The following RIMBP2 variants were observed in gnomAD, a reference collection of about 807,000 sequenced individuals.
The protein encoded by RIMBP2 is RIMS-binding protein 2.
In RIMBP2, 48 loss-of-function variants were observed where a neutral mutation model predicts 118.6. The observed-to-expected ratio is 0.40, with a 90% confidence interval of 0.32 to 0.51. RIMBP2 has a LOEUF of 0.51. Among genes scored for constraint, RIMBP2 ranks in the 20% least tolerant of loss-of-function variants. The pLI, the probability that RIMBP2 is intolerant of heterozygous loss-of-function variation, is 0.41. For synonymous variants in RIMBP2, 762 were observed against 742.9 expected (o/e 1.03, Z -0.42); for missense variants, 1,551 against 1,768.3 (o/e 0.88, Z 2.20).
At chr12:130,503,356 A>G (rs2049985944) in intron 4 of RIMBP2, among the ~76,000 whole-genome samples, 1 of 151,624 alleles carries the variant, frequency 6.6e-6, no homozygotes, top group South Asian at 2.1e-4. Context: ...AGATCATGCC[A>G]CTCCACTCCA....
At chr12:130,491,853 T>C (rs1047126485) in intron 4 of RIMBP2, among the ~76,000 whole-genome samples, 2 of 152,252 alleles carry the variant, frequency 1.3e-5, no homozygotes, top group Admixed American at 1.3e-4. Context: ...TGTGGCAGGA[T>C]TTATTTTTAA....
At chr12:130,534,651 G>A (rs1566215082) in intron 2 of RIMBP2, among the ~76,000 whole-genome samples, 1 of 152,200 alleles carries the variant, frequency 6.6e-6, no homozygotes. Flanking sequence ...GTGGCACAGT[G>A]GTGCCTGCAG....
intron 2 of RIMBP2, among the ~76,000 whole-genome samples, chr12:130,607,901 C>A (rs976944086): frequency 1.3e-5 from 2 of 152,032 alleles, no homozygotes; most frequent in Non-Finnish European, 2.9e-5. Flanking sequence ...GAGCTCCCAG[C>A]AGGATGTGGG....
chr12:130,575,983 A>G (rs1406436018), intron 2 of RIMBP2, among the ~76,000 whole-genome samples: 1 of 152,192 alleles, frequency 6.6e-6, no homozygotes, highest in African/African-American at 2.4e-5. Context: ...GCAGAGGAGA[A>G]TGAGGGAGTG....
At chr12:130,637,118 C>A (rs1170199836) in intron 1 of RIMBP2, among the ~76,000 whole-genome samples, 1 of 152,198 alleles carries the variant, frequency 6.6e-6, no homozygotes, top group Non-Finnish European at 1.5e-5. Flanking sequence ...CACTCCACAG[C>A]CATCGAATCT....
chr12:130,530,180 TCAA>T (rs2053218466), intron 2 of RIMBP2, among the ~76,000 whole-genome samples: 1 of 152,160 alleles, frequency 6.6e-6, no homozygotes, highest in Admixed American at 6.5e-5. Context: ...TCTCTACCAA[TCAA>T]CAACAATCTG....
intron 6 of RIMBP2, among the ~76,000 whole-genome samples, chr12:130,464,728 C>G (rs2137720069): frequency 6.6e-6 from 1 of 152,360 alleles, no homozygotes; most frequent in African/African-American, 2.4e-5. Flanking sequence ...AGGACCCACC[C>G]AGGTCTCTCT....
chr12:130,584,906 T>G (rs2058782824), intron 2 of RIMBP2, among the ~76,000 whole-genome samples: 1 of 144,680 alleles, frequency 6.9e-6, no homozygotes, highest in African/African-American at 2.5e-5. Context: ...ATTCTTTTTT[T>G]TTGAGACAGA....
chr12:130,588,736 G>A (rs1457648365), intron 2 of RIMBP2, among the ~76,000 whole-genome samples: 1 of 152,180 alleles, frequency 6.6e-6, no homozygotes, highest in African/African-American at 2.4e-5. Flanking sequence ...ACTGTATGTT[G>A]TATTATCCTG....
rs1287900184 is a variant in RIMBP2, at chr12:130,396,419, A to C, written c.*942T>G. 2 of 152,654 alleles carry C rather than the reference A, an allele frequency of 1.3e-5. No individual in the cohort carries two copies. Among genetic ancestry groups the C allele is most frequent in the Non-Finnish European group, 2.9e-5 (2 of 68,042 alleles). 9.5% of individuals were successfully genotyped at this position (152,654 alleles called of 1,614,324 possible). ...AGAATTACAAAAGAGTAACCATCAA[A>C]TACATCTGCCAGCAACTTTGTAAGT... On this transcript the variant is annotated 3_prime_UTR_variant, in exon 23 of 23. Coordinates refer to ENST00000690449, the MANE Select transcript of RIMBP2 (RefSeq NM_001393629.1).
At chr12:130,599,845 C>T (rs2059767044) in intron 2 of RIMBP2, among the ~76,000 whole-genome samples, 1 of 152,186 alleles carries the variant, frequency 6.6e-6, no homozygotes, top group Non-Finnish European at 1.5e-5. Context: ...ATTCTTGGGG[C>T]CCCCAAATCA....
intron 4 of RIMBP2, among the ~76,000 whole-genome samples, chr12:130,486,303 G>A (rs547732649): frequency 4.0e-5 from 6 of 151,892 alleles, no homozygotes; most frequent in Non-Finnish European, 5.9e-5. Flanking sequence ...CCCGTGGGGC[G>A]CGCTGACCTG....
chr12:130,615,714 T>G (rs991455612), intron 2 of RIMBP2, among the ~76,000 whole-genome samples: 9 of 152,150 alleles, frequency 5.9e-5, no homozygotes, highest in Non-Finnish European at 1.5e-5. Context: ...TGGAGGGACA[T>G]GCATTGCTTA....
intron 5 of RIMBP2, among the ~76,000 whole-genome samples, chr12:130,476,942 C>T (rs2081481819): frequency 2.0e-5 from 3 of 152,200 alleles, no homozygotes; most frequent in Non-Finnish European, 2.9e-5. Flanking sequence ...AACGACCACC[C>T]ACGTGGAAAC....
In RIMBP2 at chr12:130,420,292, G is replaced by A. The variant is rs1429326170; in HGVS notation, c.3238+2161C>T. Among the ~76,000 whole-genome samples, 14 of 152,176 alleles carry A rather than the reference G, an allele frequency of 9.2e-5. No individual in the cohort carries two copies. The East Asian group carries it at 2.5e-3, about 27-fold the overall frequency. On this transcript the variant is annotated intron_variant, in intron 17 of 22. Transcript: ENST00000690449. This position sits in a 1 kb window ranked among gnomAD's most constrained non-coding sequence, Gnocchi z 4.3. Reference sequence around the variant, plus strand: ...AAGTATCTGGTTAGAGTTATTTTATGTGGTGTCCCGGCTTGCTACATGATA... The same window carrying A: ...AAGTATCTGGTTAGAGTTATTTTATATGGTGTCCCGGCTTGCTACATGATA...
At chr12:130,399,399 CA>C (rs1302442903) in intron 22 of RIMBP2, among the ~76,000 whole-genome samples, 1 of 152,138 alleles carries the variant, frequency 6.6e-6, no homozygotes, top group Non-Finnish European at 1.5e-5. Flanking sequence ...CACTCTTGAT[CA>C]AACTGAAATG....
chr12:130,607,928 A>C (rs2140524007), intron 2 of RIMBP2, among the ~76,000 whole-genome samples: 1 of 152,272 alleles, frequency 6.6e-6, no homozygotes, highest in East Asian at 1.9e-4. Context: ...TGGGGGTCAG[A>C]GGTTTGGAGG....
chr12:130,615,321 A>AT (rs973610755), intron 2 of RIMBP2, among the ~76,000 whole-genome samples: 12 of 144,970 alleles, frequency 8.3e-5, no homozygotes, highest in Non-Finnish European at 1.2e-4. Context: ...ATATATAGAT[A>AT]TTTTTTTGAG....
At chr12:130,455,520 C>T (rs941530808) in intron 7 of RIMBP2, among the ~76,000 whole-genome samples, 9 of 152,216 alleles carry the variant, frequency 5.9e-5, no homozygotes, top group Non-Finnish European at 8.8e-5. Flanking sequence ...CCCACAGCCA[C>T]GACCACTTAC....
Sources: allele counts gnomAD v4.1 joint callset (sites outside exome capture counted in the v4.1 genomes callset), GRCh38; gene constraint gnomAD v4.1.1; non-coding constraint Gnocchi (gnomAD v3.1); transcripts MANE v1.5; gene names NCBI Gene and HGNC (gene_info 2026-07-23, HGNC 2026-07-21).